The following AHI1 variants were observed in gnomAD, a reference collection of about 807,000 sequenced individuals.
AHI1 encodes Abelson helper integration site 1, also known as jouberin.
In AHI1, 123 loss-of-function variants were observed where a neutral mutation model predicts 149.3. That is an observed-to-expected ratio of 0.82 (90% confidence interval 0.71 to 0.96). The LOEUF is 0.96. Among genes scored for constraint, AHI1 ranks in the 40% least tolerant of loss-of-function variants. AHI1 has a pLI of 0.00. For missense variants in AHI1, 1,439 were observed against 1,422.7 expected (o/e 1.01, Z -0.18); for synonymous variants, 475 against 459.8 (o/e 1.03, Z -0.42).
At chr6:135,417,196 C>G (rs1422659849) in intron 20 of AHI1, among the ~76,000 whole-genome samples, 2 of 151,914 alleles carry the variant, frequency 1.3e-5, no homozygotes, top group East Asian at 3.8e-4. Flanking sequence ...ATTGTCCCTT[C>G]AACATTTAAT....
intron 22 of AHI1, among the ~76,000 whole-genome samples, chr6:135,401,818 CAAAAGAA>C (rs1480006805): frequency 6.6e-6 from 1 of 151,794 alleles, no homozygotes; most frequent in Non-Finnish European, 1.5e-5. Flanking sequence ...GCACAAGTGA[CAAAAGAA>C]AAAATAAACT....
intron 24 of AHI1, among the ~76,000 whole-genome samples, chr6:135,335,330 A>C (rs1240443374): frequency 6.6e-6 from 1 of 152,142 alleles, no homozygotes; most frequent in African/African-American, 2.4e-5. Flanking sequence ...GCCAAATTTT[A>C]AAATAGAAAA....
rs1166907004 is a variant in AHI1 at position 135,445,448 on chromosome 6, A to G, written c.1779+1560T>C. ...CTCAGCTTGTGGCAGAAGTATATAC[A>G]TGTACATATCTCTATCAAAGTGTGA... On this transcript the variant is annotated intron_variant, in intron 13 of 28. Coordinates refer to ENST00000265602, the MANE Select transcript of AHI1 (RefSeq NM_001134831.2). Among the ~76,000 whole-genome samples, 7 of 152,356 alleles carry G rather than the reference A, an allele frequency of 4.6e-5. No homozygotes were observed. The East Asian group carries it at 1.3e-3, about 29-fold the overall frequency.
Position 135,457,517 on chromosome 6 carries a change from A to G in AHI1, c.1128T>C (p.Gly376=). ...VKIHVVDEHT[G]QYVKKDDSGR... ...ACCTATCATCTTTCTTGACATATTG[A>G]CCAGTATGCTCATCAACCACATGAA... is the stretch of plus-strand genomic sequence containing the variant. Residue 376 remains glycine, a synonymous_variant, in exon 9 of 29, where the codon GGT becomes GGC. Transcript: ENST00000265602. The G allele has an allele frequency of 6.2e-7, 1 of 1,613,540 alleles. No individual in the cohort carries two copies. The highest frequency in any genetic ancestry group is 8.5e-7 in the Non-Finnish European group (1 of 1,179,604).
At chr6:135,429,193 T>C (rs1784313118) in intron 18 of AHI1, among the ~76,000 whole-genome samples, 9 of 151,650 alleles carry the variant, frequency 5.9e-5, no homozygotes, top group Admixed American at 5.3e-4. Context: ...GAATATTTGA[T>C]CTCTGAAAAA....
At chr6:135,336,480 C>T (rs1789407670) in intron 24 of AHI1, among the ~76,000 whole-genome samples, 1 of 152,086 alleles carries the variant, frequency 6.6e-6, no homozygotes, top group Admixed American at 6.6e-5. Context: ...TGCCTGTAGT[C>T]CCAGCTACTT....
rs557417336 is a variant in AHI1, at chr6:135,300,325, CA to C, written c.3485+174del. The stretch of plus-strand genomic sequence containing the variant: ...GGGTGACACAGCAAGACTCTGTCTC[CA>C]AAAAAAAAAAAAAAGAAAAAAAAAT... On this transcript the variant is annotated intron_variant, in intron 27 of 28. Transcript: ENST00000265602. 0.099 allele frequency among the ~76,000 whole-genome samples: 6,548 copies of C among 65,836 alleles called. 129 individuals are homozygous for C. Among genetic ancestry groups the C allele is most frequent in the South Asian group, 0.17 (394 of 2,264 alleles). The allele number at this position is 65,836 out of a possible 152,430, so 43.2% of individuals were successfully genotyped here.
chr6:135,417,478 T>C (rs1398386346), intron 20 of AHI1, among the ~76,000 whole-genome samples: 2 of 152,032 alleles, frequency 1.3e-5, no homozygotes, highest in East Asian at 1.9e-4. Context: ...ATTATTTTTC[T>C]TTCTTAAAAA....
At chr6:135,488,534 C>T (rs1418898141) in intron 5 of AHI1, among the ~76,000 whole-genome samples, 2 of 152,114 alleles carry the variant, frequency 1.3e-5, no homozygotes, top group African/African-American at 4.8e-5. Context: ...AAGGAAATCA[C>T]CTAACATGTC....
At chr6:135,473,656 T>C (rs551882637) in intron 5 of AHI1, among the ~76,000 whole-genome samples, 18 of 152,284 alleles carry the variant, frequency 1.2e-4, no homozygotes, top group Admixed American at 1.1e-3. Context: ...TGAATATCTA[T>C]TTACTTAGGT....
intron 24 of AHI1, among the ~76,000 whole-genome samples, chr6:135,334,010 A>G (rs1280520806): frequency 6.6e-6 from 1 of 152,246 alleles, no homozygotes; most frequent in Non-Finnish European, 1.5e-5. Context: ...ATATATAGGA[A>G]AAGCCTCTTA....
In AHI1 at chr6:135,348,938, A is replaced by T. The variant is rs147516768; in HGVS notation, c.3165+9194T>A. ...TATTATCATCTTCTTTCCAGATATA[A>T]GGATGGTATGAGGCACAAATATATA... On this transcript the variant is annotated intron_variant, in intron 24 of 28. Coordinates refer to ENST00000265602, the MANE Select transcript of AHI1 (RefSeq NM_001134831.2). Among the ~76,000 whole-genome samples the T allele has an allele frequency of 2.4e-3, 371 of 152,334 alleles. 4 individuals are homozygous for T. Among genetic ancestry groups the T allele is most frequent in the African/African-American group, 8.4e-3 (348 of 41,582 alleles).
chr6:135,470,298 T>TA (rs1263240709), intron 5 of AHI1, among the ~76,000 whole-genome samples: 10 of 152,056 alleles, frequency 6.6e-5, no homozygotes, highest in Non-Finnish European at 8.8e-5. Flanking sequence ...TGGCAATTAT[T>TA]AAAAAGTCAA....
chr6:135,482,806 C>A (rs1205118507), intron 5 of AHI1, among the ~76,000 whole-genome samples: 1 of 146,818 alleles, frequency 6.8e-6, no homozygotes, highest in African/African-American at 2.5e-5. Context: ...TTGTTGGTGG[C>A]TGGATTTTGT....
intron 26 of AHI1, chr6:135,307,076 A>G (rs1784609042): frequency 6.6e-6 from 1 of 152,218 alleles, no homozygotes; most frequent in African/African-American, 2.4e-5. Context: ...AAACGCCTAT[A>G]GCAATGGGGA....
intron 24 of AHI1, among the ~76,000 whole-genome samples, chr6:135,340,663 A>ATATATATATATATG (rs1790191632): frequency 1.3e-4 from 12 of 95,782 alleles, no homozygotes; most frequent in Non-Finnish European, 2.1e-4. Context: ...ACATACATAT[A>ATATATATATATATG]TATATATATA....
intron 24 of AHI1, among the ~76,000 whole-genome samples, chr6:135,356,303 A>T (rs781086842): frequency 6.6e-6 from 1 of 152,168 alleles, no homozygotes; most frequent in East Asian, 1.9e-4. Context: ...TTTCCTCCCT[A>T]AACATTTTCT....
Position 135,447,108 on chromosome 6 carries a change from G to A in AHI1, c.1679C>T (p.Pro560Leu), listed in dbSNP as rs1383950113. 3 of 1,610,546 alleles carry A rather than the reference G, an allele frequency of 1.9e-6. No homozygotes were observed. The highest frequency in any genetic ancestry group is 1.7e-5 in the Admixed American group (1 of 59,768). The change falls in exon 13 of 29, where the codon CCA becomes CTA. Residue 560 changes from proline to leucine, a missense_variant. Coordinates refer to ENST00000265602, the MANE Select transcript of AHI1 (RefSeq NM_001134831.2). Reference protein sequence around the residue: ...MMALQEEKGKPVHCERHHESS... With the variant: ...MMALQEEKGKLVHCERHHESS... ...CTCATGGTGACGTTCACAATGCACT[G>A]GTTTACCTTTTTCCTCCTGAAGAGC...
In AHI1 at chr6:135,371,409, C is replaced by T. The variant is rs139071381; in HGVS notation, c.3110-13222G>A. Among the ~76,000 whole-genome samples, 613 of 152,182 alleles carry T rather than the reference C, an allele frequency of 4.0e-3. 1 individual carries two copies. Among genetic ancestry groups the T allele is most frequent in the African/African-American group, 0.014 (589 of 41,540 alleles). On this transcript the variant is annotated intron_variant, in intron 23 of 28. Transcript: ENST00000265602. ...TTCTTTCCTATGTAAAGAACCTGTTCCTCCTCTATAGAAGCTTGTGATATT... is the reference window on the plus strand; with the variant it reads ...TTCTTTCCTATGTAAAGAACCTGTTTCTCCTCTATAGAAGCTTGTGATATT...
Sources: allele counts gnomAD v4.1 joint callset (sites outside exome capture counted in the v4.1 genomes callset), GRCh38; gene constraint gnomAD v4.1.1; transcripts MANE v1.5; gene names NCBI Gene and HGNC (gene_info 2026-07-23, HGNC 2026-07-21).